UBR3: variants seen among roughly 807,000 people sequenced by gnomAD.
The protein encoded by UBR3 is E3 ubiquitin-protein ligase UBR3.
Under a neutral mutation model 243.2 loss-of-function variants are expected in UBR3, and 85 were observed. The ratio of observed to expected loss-of-function variants is 0.35; its 90% CI spans 0.29 to 0.42. The LOEUF (loss-of-function observed/expected upper bound fraction) is 0.42, where lower values mean the gene tolerates loss of function less well. Ranked by LOEUF, UBR3 falls within the 10% of genes least tolerant of loss-of-function variation. The pLI is 1.00. For missense variants in UBR3, 1,686 were observed against 2,300.8 expected (o/e 0.73, Z 5.47); for synonymous variants, 748 against 799.8 (o/e 0.94, Z 1.09).
intron 23 of UBR3, 57 bp from the exon 24 acceptor site, chr2:169,958,381 T>C (rs1435057760): frequency 2.0e-6 from 3 of 1,483,502 alleles, no homozygotes; most frequent in African/African-American, 1.4e-5. Context: ...TCCTGAAATA[T>C]AGTAGCTAGG....
intron 9 of UBR3, 36 bp from the exon 10 acceptor site, chr2:169,905,995 C>T: frequency 6.5e-7 from 1 of 1,540,714 alleles, no homozygotes; most frequent in Non-Finnish European, 8.7e-7. Context: ...TGTGCTTCCA[C>T]TTGACAAGGT....
chr2:169,837,764 G>T (rs1304106259), intron 1 of UBR3, among the ~76,000 whole-genome samples: 1 of 152,164 alleles, frequency 6.6e-6, no homozygotes, highest in African/African-American at 2.4e-5. Context: ...GACGTGTGGG[G>T]ATTATGGGGA....
intron 35 of UBR3, among the ~76,000 whole-genome samples, chr2:170,068,374 A>T (rs1345119127): frequency 6.6e-6 from 1 of 152,142 alleles, no homozygotes; most frequent in Non-Finnish European, 1.5e-5. Context: ...AGGCTGAGGC[A>T]GGAGAATCAC....
intron 24 of UBR3, chr2:169,964,577 G>A (rs148102208): frequency 4.1e-4 from 166 of 401,530 alleles, no homozygotes; most frequent in African/African-American, 3.3e-3. Context: ...GGAAGCTCAG[G>A]CAGATGACGT....
rs190188759 is a variant in UBR3 at position 169,855,877 on chromosome 2, G to A, written c.546-16359G>A. 6.2e-4 allele frequency among the ~76,000 whole-genome samples: 95 copies of A among 152,326 alleles called. No individual in the cohort carries two copies. The East Asian group carries it at 9.1e-3, about 15-fold the overall frequency. On this transcript the variant is annotated intron_variant, in intron 1 of 38. Transcript: ENST00000272793. ...GAGCTGTTGGGTACACCTCCCAGAC[G>A]GGGTGGCGGCCAGGCAGAGGGGCTC...
chr2:169,946,458 G>A, intron 21 of UBR3, 66 bp downstream of exon 21: 3 of 761,048 alleles, frequency 3.9e-6, no homozygotes, highest in Non-Finnish European at 6.1e-6. Flanking sequence ...ACCAATTGTT[G>A]CCAAACCAGG....
intron 1 of UBR3, among the ~76,000 whole-genome samples, chr2:169,870,649 A>T (rs59762097): frequency 0.035 from 5,268 of 151,608 alleles, 287 homozygotes; most frequent in African/African-American, 0.12. Context: ...ACTGTCTTTT[A>T]TTATTATTAT....
At chr2:169,840,354 A>C (rs1012660085) in intron 1 of UBR3, among the ~76,000 whole-genome samples, 5 of 152,174 alleles carry the variant, frequency 3.3e-5, no homozygotes, top group African/African-American at 1.2e-4. Flanking sequence ...GAGGCTAGAA[A>C]GGGAGCTGGA....
chr2:169,828,534 A>C (rs144974134), intron 1 of UBR3, among the ~76,000 whole-genome samples: 1 of 151,954 alleles, frequency 6.6e-6, no homozygotes, highest in Non-Finnish European at 1.5e-5. Flanking sequence ...TTGTACGTGC[A>C]GGGAAGGACG....
At chr2:170,004,494 T>G (rs2105402599) in intron 27 of UBR3, among the ~76,000 whole-genome samples, 1 of 152,170 alleles carries the variant, frequency 6.6e-6, no homozygotes, top group South Asian at 2.1e-4. Context: ...GAGGGCAGGA[T>G]GCTGAAGGAG....
intron 36 of UBR3, among the ~76,000 whole-genome samples, chr2:170,079,095 C>T (rs1393721560): frequency 6.6e-6 from 1 of 152,150 alleles, no homozygotes; most frequent in Non-Finnish European, 1.5e-5. Flanking sequence ...TAGACTCACT[C>T]TACATTTTAT....
At chr2:169,845,660 A>T (rs985452111) in intron 1 of UBR3, among the ~76,000 whole-genome samples, 2 of 150,258 alleles carry the variant, frequency 1.3e-5, no homozygotes, top group African/African-American at 4.9e-5. Flanking sequence ...ATCTCAGCTC[A>T]CTGCAGCCTC....
intron 24 of UBR3, among the ~76,000 whole-genome samples, chr2:169,974,538 T>G (rs1446380416): frequency 6.6e-6 from 1 of 152,188 alleles, no homozygotes; most frequent in Non-Finnish European, 1.5e-5. Flanking sequence ...GATTTTATTT[T>G]GAGTCTTTTC....
chr2:169,833,444 A>G (rs996923484), intron 1 of UBR3, among the ~76,000 whole-genome samples: 3 of 152,220 alleles, frequency 2.0e-5, no homozygotes, highest in Admixed American at 1.3e-4. Flanking sequence ...AGAGGCCAGC[A>G]CCTACTAAGT....
chr2:169,974,426 C>G (rs907622740), intron 24 of UBR3, among the ~76,000 whole-genome samples: 1 of 152,202 alleles, frequency 6.6e-6, no homozygotes, highest in African/African-American at 2.4e-5. Flanking sequence ...TTATCCATTT[C>G]TTTCAGGTTT....
intron 24 of UBR3, among the ~76,000 whole-genome samples, chr2:169,974,995 A>T (rs567615129): frequency 2.6e-5 from 4 of 152,290 alleles, no homozygotes; most frequent in South Asian, 4.1e-4. Context: ...AGCCTGCACA[A>T]CATGGCAAAA....
At position 169,842,406 on chromosome 2, in the gene UBR3, G is replaced by C. The variant is rs540099108; in HGVS notation, c.545+14354G>C. ...AATCAACAGGATGTGGGTGGGGCCA[G>C]ATAAGAGAATAAAAGCAGGCTGCCC... On this transcript the variant is annotated intron_variant, in intron 1 of 38. Coordinates refer to ENST00000272793, the MANE Select transcript of UBR3 (RefSeq NM_172070.4). 1.1e-4 allele frequency among the ~76,000 whole-genome samples: 16 copies of C among 152,306 alleles called. No individual in the cohort carries two copies. The South Asian group carries it at 3.3e-3, about 32-fold the overall frequency.
At position 169,852,850 on chromosome 2, in the gene UBR3, C is replaced by CAAA. The variant is rs869283640; in HGVS notation, c.546-19360_546-19358dup. 8.7e-3 allele frequency among the ~76,000 whole-genome samples: 418 copies of CAAA among 48,294 alleles called. 47 individuals carry two copies. The highest frequency in any genetic ancestry group is 0.019 in the South Asian group (13 of 686). The allele number at this position is 48,294 out of a possible 152,430, so 31.7% of individuals were successfully genotyped here. ...TGGGTGAAAGAGTGAGACTTCATCT[C>CAAA]AAAAAAAAAAAAAAAAAAAAAAAAA... On this transcript the variant is annotated intron_variant, in intron 1 of 38. Transcript: ENST00000272793.
Position 169,827,588 on chromosome 2 carries a change from C to A in UBR3, c.81C>A (p.Asp27Glu). The A allele has an allele frequency of 8.0e-7, 1 of 1,252,574 alleles. No homozygotes were observed. 77.6% of individuals were successfully genotyped at this position (1,252,574 alleles called of 1,614,324 possible). The change falls in exon 1 of 39, where the codon GAC becomes GAA. Residue 27 changes from aspartate (D) to glutamate (E), a missense_variant. This residue lies in a region of UBR3 where 79 missense variants were observed against 73.2 expected (regional missense o/e 1.08). Coordinates refer to ENST00000272793, the MANE Select transcript of UBR3 (RefSeq NM_172070.4). ...TGCCCGCGCCGGGGCTGGCCCTAGA[C>A]AAGGCGGCCACCGCCGCGCACCTCA... Reference protein sequence around the residue: ...PELPAPGLALDKAATAAHLKA... With the variant: ...PELPAPGLALEKAATAAHLKA...
Sources: gnomAD v4.1 joint callset for allele counts (sites outside exome capture counted in the v4.1 genomes callset) on GRCh38, gnomAD v4.1.1 for gene constraint, gnomAD v4.1.1 regional missense constraint, MANE v1.5 for transcripts, NCBI Gene and HGNC (gene_info 2026-07-23, HGNC 2026-07-21) for gene names.